Variants in LARP1 observed in about 807,000 individuals in gnomAD.
LARP1 encodes la-related protein 1.
Under a neutral mutation model 122.7 loss-of-function variants are expected in LARP1, and 36 were observed. That is an observed-to-expected ratio of 0.29 (90% CI 0.22 to 0.39). LARP1 has a LOEUF of 0.39. Among genes scored for constraint, LARP1 ranks in the 10% least tolerant of loss-of-function variants. The probability of loss-of-function intolerance (pLI) is 1.00; values close to 1 mark genes in which losing one functional copy is unlikely to be tolerated. For missense variants in LARP1, 1,040 were observed against 1,403.6 expected (o/e 0.74, Z 4.14); for synonymous variants, 539 against 528.7 (o/e 1.02, Z -0.27).
At chr5:154,804,972 CTTTTG>C in intron 14 of LARP1, 1 of 453,432 alleles carries the variant, frequency 2.2e-6, no homozygotes. Context: ...CCGTGTATAA[CTTTTG>C]ACTCTCCAAA....
intron 1 of LARP1, among the ~76,000 whole-genome samples, chr5:154,767,707 G>GCT (rs1189912078): frequency 1.5e-4 from 23 of 152,290 alleles, no homozygotes; most frequent in Non-Finnish European, 1.2e-4. Context: ...AAGAAGCAGA[G>GCT]CTCTCTCTGA....
intron 1 of LARP1, among the ~76,000 whole-genome samples, chr5:154,717,841 A>G (rs575981169): frequency 6.6e-6 from 1 of 152,184 alleles, no homozygotes; most frequent in African/African-American, 2.4e-5. Flanking sequence ...TGTGTAGCCC[A>G]GGTGAGAATG....
chr5:154,813,805 T>C, intron 18 of LARP1, 82 bp from the exon 19 acceptor site: 1 of 1,095,822 alleles, frequency 9.1e-7, no homozygotes, highest in Non-Finnish European at 1.4e-6. Context: ...AGGTAGAAAG[T>C]AGGAAGTGTC....
Position 154,805,780 on chromosome 5 carries a change from AGGATG to A in LARP1, c.2547-99_2547-95del. 17 of 1,262,146 alleles carry A rather than the reference AGGATG, an allele frequency of 1.3e-5. No individual in the cohort carries two copies. The South Asian group carries it at 2.3e-4, about 17-fold the overall frequency. 78.2% of individuals were successfully genotyped at this position (1,262,146 alleles called of 1,614,324 possible). On this transcript the variant is annotated intron_variant, in intron 14 of 18. Coordinates refer to ENST00000518297, the MANE Select transcript of LARP1 (RefSeq NM_033551.3). ...GCCTCCTTGTTTGATACCCTGTGAG[AGGATG>A]GATCTTGGCTGACAGAACGGATCAG...
intron 1 of LARP1, among the ~76,000 whole-genome samples, chr5:154,767,688 G>T (rs1473990272): frequency 6.6e-6 from 1 of 152,154 alleles, no homozygotes; most frequent in African/African-American, 2.4e-5. Flanking sequence ...GCAGCTTTGA[G>T]GTTGTTTGAA....
chr5:154,755,736 C>G lies in LARP1; in HGVS notation c.-22C>G. 6 of 987,488 alleles carry G rather than the reference C, an allele frequency of 6.1e-6. No homozygotes were observed. The highest frequency in any genetic ancestry group is 7.2e-6 in the Non-Finnish European group (6 of 830,372). 61.2% of individuals were successfully genotyped at this position (987,488 alleles called of 1,614,324 possible). On this transcript the variant is annotated 5_prime_UTR_variant, in exon 1 of 19. Coordinates refer to ENST00000518297, the MANE Select transcript of LARP1 (RefSeq NM_033551.3). ...AGGCAGCCTCGGGCGCGCCCGGCTT[C>G]TCCGGGGGGGCGGGCGCGCAGATGG...
intron 1 of LARP1, among the ~76,000 whole-genome samples, chr5:154,762,709 C>T (rs571519708): frequency 6.6e-6 from 1 of 152,212 alleles, no homozygotes. Flanking sequence ...TCCTCCATGA[C>T]AGGCCTTGTT....
intron 1 of LARP1, among the ~76,000 whole-genome samples, chr5:154,747,816 AT>A (rs1412943193): frequency 6.6e-6 from 1 of 152,060 alleles, no homozygotes; most frequent in Non-Finnish European, 1.5e-5. Context: ...GTGAGCCAAG[AT>A]TGTGCCACTG....
At chr5:154,805,482 C>T (rs889741648) in intron 14 of LARP1, among the ~76,000 whole-genome samples, 2 of 152,080 alleles carry the variant, frequency 1.3e-5, no homozygotes, top group Non-Finnish European at 2.9e-5. Context: ...AGTGGACCCA[C>T]GCGTGGATCC....
chr5:154,772,077 A>G (rs1469418620), intron 1 of LARP1, among the ~76,000 whole-genome samples: 3 of 152,246 alleles, frequency 2.0e-5, no homozygotes, highest in Non-Finnish European at 4.4e-5. Flanking sequence ...CAGCAAATAT[A>G]CAACGCACAT....
chr5:154,756,063 C>A lies in LARP1; in HGVS notation c.306C>A (p.Gly102=). Residue 102 remains glycine, a synonymous_variant, in exon 1 of 19, where the codon GGC becomes GGA. Coordinates refer to ENST00000518297, the MANE Select transcript of LARP1 (RefSeq NM_033551.3). ...AGGGCGGCGGCGAGCCAGGCGCTGG[C>A]GGAGGAGCTGCCGGAGCCGCGGGCG... The part of the protein sequence containing the change: ...GEEGGGEPGA[G]GGAAGAAGAG... 1 of 1,116,252 alleles carries A rather than the reference C, an allele frequency of 9.0e-7. No individual in the cohort carries two copies. Among genetic ancestry groups the A allele is most frequent in the Non-Finnish European group, 1.1e-6 (1 of 903,394 alleles). The allele number at this position is 1,116,252 out of a possible 1,614,324, so 69.1% of individuals were successfully genotyped here. A position where few individuals can be genotyped will look rare whatever the true frequency, so the allele number is the denominator to read the frequency against.
chr5:154,796,127 A>ATATTTTATATATTTATATATTATATATC, intron 8 of LARP1, among the ~76,000 whole-genome samples: 1 of 124,226 alleles, frequency 8.0e-6, no homozygotes, highest in African/African-American at 3.1e-5. Flanking sequence ...TATATTATAT[A>ATATTTTATATATTTATATATTATATATC]TATTTTATAT....
chr5:154,713,686 A>G (rs1755339180), intron 1 of LARP1, among the ~76,000 whole-genome samples: 1 of 152,208 alleles, frequency 6.6e-6, no homozygotes, highest in South Asian at 2.1e-4. Context: ...GACACCAGCA[A>G]AATCCTGCCT....
intron 1 of LARP1, among the ~76,000 whole-genome samples, chr5:154,771,265 A>G (rs972721741): frequency 2.0e-5 from 3 of 152,120 alleles, no homozygotes; most frequent in Non-Finnish European, 4.4e-5. Context: ...TGCCCCAGGA[A>G]CCCAGGCCGG....
chr5:154,690,968 A>C (rs1450901000), intron 1 of LARP1, among the ~76,000 whole-genome samples: 1 of 152,212 alleles, frequency 6.6e-6, no homozygotes, highest in African/African-American at 2.4e-5. Context: ...GCATCAAGAA[A>C]GAGTATCAGG....
intron 1 of LARP1, among the ~76,000 whole-genome samples, chr5:154,768,982 A>G (rs1755181947): frequency 6.6e-6 from 1 of 152,130 alleles, no homozygotes; most frequent in Non-Finnish European, 1.5e-5. Flanking sequence ...GTGGGATTAC[A>G]GGTGCCTATC....
chr5:154,807,813 C>CA, intron 15 of LARP1, among the ~76,000 whole-genome samples: 1 of 152,314 alleles, frequency 6.6e-6, no homozygotes, highest in Non-Finnish European at 1.5e-5. Flanking sequence ...CTCAGCCTCA[C>CA]AAAGTGCTGG....
At chr5:154,811,667 G>A in intron 18 of LARP1, 27 bp downstream of exon 18, 1 of 1,613,496 alleles carries the variant, frequency 6.2e-7, no homozygotes, top group Non-Finnish European at 8.5e-7. Context: ...CTCTAACTCT[G>A]CTTGTCCTGG....
At chr5:154,780,577 C>A (rs186291968) in intron 1 of LARP1, among the ~76,000 whole-genome samples, 116 of 152,304 alleles carry the variant, frequency 7.6e-4, no homozygotes, top group African/African-American at 2.6e-3. Flanking sequence ...TACAGCAAAT[C>A]ACTGGTGACT....
Sources: gnomAD v4.1 joint callset for allele counts (sites outside exome capture counted in the v4.1 genomes callset) on GRCh38, gnomAD v4.1.1 for gene constraint, MANE v1.5 for transcripts, NCBI Gene and HGNC (gene_info 2026-07-23, HGNC 2026-07-21) for gene names.